Variants in STOM observed in about 807,000 individuals in gnomAD.
STOM encodes the protein stomatin, also known as erythrocyte band 7 integral membrane protein.
STOM carries 25 observed loss-of-function variants against 30.6 expected under a neutral mutation model. The ratio of observed to expected loss-of-function variants is 0.82; its 90% CI spans 0.60 to 1.14. The LOEUF (loss-of-function observed/expected upper bound fraction) is 1.14, where lower values mean the gene tolerates loss of function less well. Among genes scored for constraint, STOM ranks in the 50% most tolerant of loss-of-function variants. The probability of loss-of-function intolerance (pLI) is 0.00; values close to 1 mark genes in which losing one functional copy is unlikely to be tolerated. For missense variants in STOM, 292 were observed against 365.2 expected (o/e 0.80, Z 1.63); for synonymous variants, 118 against 130.8 (o/e 0.90, Z 0.67).
intron 1 of STOM, 41 bp from the exon 2 acceptor site, chr9:121,356,197 T>C: frequency 6.6e-7 from 1 of 1,524,736 alleles, no homozygotes; most frequent in Non-Finnish European, 9.1e-7. Flanking sequence ...CAACTGTTAC[T>C]AGCATAATCA....
At chr9:121,351,479 A>C (rs1332066328) in intron 4 of STOM, among the ~76,000 whole-genome samples, 1 of 152,248 alleles carries the variant, frequency 6.6e-6, no homozygotes, top group East Asian at 1.9e-4. Flanking sequence ...GCCAGGCTCC[A>C]TCACCATGCT....
intron 2 of STOM, among the ~76,000 whole-genome samples, chr9:121,355,636 A>G (rs759248134): frequency 1.4e-4 from 21 of 152,158 alleles, no homozygotes; most frequent in Non-Finnish European, 2.5e-4. Flanking sequence ...TTAGACACAT[A>G]ATTCATTTAA....
intron 1 of STOM, chr9:121,366,006 G>T: frequency 3.5e-6 from 2 of 574,740 alleles, no homozygotes; most frequent in Non-Finnish European, 4.4e-6. Context: ...AGTTCTAAAT[G>T]TTCTTGGACC....
In STOM at chr9:121,341,255, G is replaced by T. The variant is rs373786743; in HGVS notation, c.814C>A (p.Pro272Thr). 1.4e-5 allele frequency: 23 copies of T among 1,614,028 alleles called. No homozygotes were observed. Among genetic ancestry groups the T allele is most frequent in the Non-Finnish European group, 1.9e-5 (22 of 1,180,030 alleles). Residue 272 changes from proline (P) to threonine (T), a missense_variant, in exon 7 of 7, where the codon CCC becomes ACC. Coordinates refer to ENST00000286713, the MANE Select transcript of STOM (RefSeq NM_004099.6). ...ATGATTCCTTGCAGCATATCTATGG[G>T]CAGAGGGAAGACAATTGTTGAGTTT... is the stretch of plus-strand genomic sequence containing the variant. The part of the protein sequence containing the change: ...EKNSTIVFPL[P>T]IDMLQGIIGA...
At chr9:121,368,371 G>T (rs1272999260) in intron 1 of STOM, among the ~76,000 whole-genome samples, 1 of 152,150 alleles carries the variant, frequency 6.6e-6, no homozygotes, top group South Asian at 2.1e-4. Context: ...ATTTGCCACT[G>T]CAGTTTCCCA....
In STOM at chr9:121,356,071, T is replaced by C; in HGVS notation, c.147A>G (p.Ser49=). Residue 49 remains serine, a synonymous_variant, in exon 2 of 7, where the codon TCA becomes TCG. Transcript: ENST00000286713. ...FLFTVITFPI[S]IWMCIKIIKE... ...TCTTTACCTTTATGCACATCCATAT[T>C]GAGATTGGGAAAGTTATAACGGTGA... 4.3e-6 allele frequency: 7 copies of C among 1,611,750 alleles called. No individual in the cohort carries two copies. Among genetic ancestry groups the C allele is most frequent in the Non-Finnish European group, 5.9e-6 (7 of 1,177,846 alleles).
rs1159589033 is a variant in STOM, at chr9:121,339,719, C to G, written c.*1483G>C. Reference sequence around the variant, plus strand: ...CTCAGATTCACAGACATTTGCAAAACAGAAGATGTCTCCTAATATTATAGA... The same window carrying G: ...CTCAGATTCACAGACATTTGCAAAAGAGAAGATGTCTCCTAATATTATAGA... On this transcript the variant is annotated 3_prime_UTR_variant, in exon 7 of 7. Transcript: ENST00000286713. 3 of 1,230,646 alleles carry G rather than the reference C, an allele frequency of 2.4e-6. No homozygotes were observed. In the African/African-American group the frequency reaches 4.7e-5, roughly 19 times the overall value. The allele number at this position is 1,230,646 out of a possible 1,614,324, so 76.2% of individuals were successfully genotyped here.
Position 121,339,904 on chromosome 9 carries a change from T to C in STOM, c.*1298A>G. The C allele has an allele frequency of 9.1e-7, 1 of 1,097,878 alleles. No homozygotes were observed. The highest frequency in any genetic ancestry group is 1.1e-6 in the Non-Finnish European group (1 of 903,696). The allele number at this position is 1,097,878 out of a possible 1,614,324, so 68.0% of individuals were successfully genotyped here. A position where few individuals can be genotyped will look rare whatever the true frequency, so the allele number is the denominator to read the frequency against. On this transcript the variant is annotated 3_prime_UTR_variant, in exon 7 of 7. Transcript: ENST00000286713. The stretch of plus-strand genomic sequence containing the variant: ...ATCATTAGACACTATATAGTCAATA[T>C]ACTGTGAATTCCTTATACTATGTAA...
chr9:121,339,902 T>C lies in STOM; in HGVS notation c.*1300A>G. The C allele has an allele frequency of 9.1e-7, 1 of 1,103,680 alleles. No individual in the cohort carries two copies. Among genetic ancestry groups the C allele is most frequent in the Non-Finnish European group, 1.1e-6 (1 of 907,342 alleles). The allele number at this position is 1,103,680 out of a possible 1,614,324, so 68.4% of individuals were successfully genotyped here. A position where few individuals can be genotyped will look rare whatever the true frequency, so the allele number is the denominator to read the frequency against. ...AGATCATTAGACACTATATAGTCAA[T>C]ATACTGTGAATTCCTTATACTATGT... On this transcript the variant is annotated 3_prime_UTR_variant, in exon 7 of 7. Coordinates refer to ENST00000286713, the MANE Select transcript of STOM (RefSeq NM_004099.6).
In STOM at chr9:121,340,992, A is replaced by G. The variant is rs955837537; in HGVS notation, c.*210T>C. 3 of 1,410,052 alleles carry G rather than the reference A, an allele frequency of 2.1e-6. No homozygotes were observed. The highest frequency in any genetic ancestry group is 2.9e-5 in the African/African-American group (2 of 69,152). The allele number at this position is 1,410,052 out of a possible 1,614,324, so 87.3% of individuals were successfully genotyped here. On this transcript the variant is annotated 3_prime_UTR_variant, in exon 7 of 7. Transcript: ENST00000286713. ...AATCTAAAAATACAAACTTTTAACT[A>G]TTTTAAGACTAACAGATTACCTTAT...
chr9:121,350,668 G>A (rs1302381781), intron 4 of STOM, among the ~76,000 whole-genome samples: 1 of 152,178 alleles, frequency 6.6e-6, no homozygotes, highest in Non-Finnish European at 1.5e-5. Flanking sequence ...CCTCATTTGT[G>A]AGATGGCGCT....
At chr9:121,367,988 A>G (rs1421499322) in intron 1 of STOM, among the ~76,000 whole-genome samples, 1 of 152,218 alleles carries the variant, frequency 6.6e-6, no homozygotes, top group Non-Finnish European at 1.5e-5. Context: ...AATGGTGAAT[A>G]ATGACTTTTT....
At chr9:121,357,750 T>G (rs1403370258) in intron 1 of STOM, among the ~76,000 whole-genome samples, 1 of 152,128 alleles carries the variant, frequency 6.6e-6, no homozygotes, top group South Asian at 2.1e-4. Context: ...AAATCATATT[T>G]TTAAAAATAA....
rs202098565 is a variant in STOM at position 121,354,651 on chromosome 9, G to C, written c.188C>G (p.Ala63Gly). The C allele has an allele frequency of 1.4e-5, 22 of 1,611,748 alleles. No homozygotes were observed. Among genetic ancestry groups the C allele is most frequent in the Non-Finnish European group, 1.9e-5 (22 of 1,178,422 alleles). ...AATGCGACCCAATCTAAAGATGATG[G>C]CTCTTTCATACTCTTTTATAATCTA... ...CIKIIKEYER[A>G]IIFRLGRILQ... Residue 63 changes from alanine to glycine, a missense_variant, in exon 3 of 7, where the codon GCC becomes GGC. Transcript: ENST00000286713.
At chr9:121,365,360 C>G (rs919166152) in intron 1 of STOM, among the ~76,000 whole-genome samples, 1 of 151,906 alleles carries the variant, frequency 6.6e-6, no homozygotes, top group African/African-American at 2.4e-5. Context: ...AGCACCAAAA[C>G]ATTTATGTTC....
intron 1 of STOM, among the ~76,000 whole-genome samples, chr9:121,363,796 A>T (rs902628001): frequency 1.3e-5 from 2 of 152,224 alleles, no homozygotes; most frequent in Non-Finnish European, 2.9e-5. Context: ...TGCATAAATT[A>T]AATAATGCAT....
intron 4 of STOM, among the ~76,000 whole-genome samples, chr9:121,349,746 C>G (rs1281620386): frequency 2.0e-5 from 3 of 152,078 alleles, no homozygotes; most frequent in African/African-American, 7.2e-5. Flanking sequence ...ACTAGAGAGT[C>G]AAGGTTTGAT....
Position 121,341,292 on chromosome 9 carries a change from A to T in STOM, c.777T>A (p.Ile259=), listed in dbSNP as rs1410250682. Reference sequence around the variant, plus strand: ...CAATTGTTGAGTTTTTCTCAGCAGCAATGGTGGTCAGTGTCTGCAGGTATC... The same window carrying T: ...CAATTGTTGAGTTTTTCTCAGCAGCTATGGTGGTCAGTGTCTGCAGGTATC... ...QLRYLQTLTT[I]AAEKNSTIVF... The change falls in exon 7 of 7, where the codon ATT becomes ATA. Residue 259 remains isoleucine, a synonymous_variant. Coordinates refer to ENST00000286713, the MANE Select transcript of STOM (RefSeq NM_004099.6). The T allele has an allele frequency of 6.2e-7, 1 of 1,614,152 alleles. No individual in the cohort carries two copies. Among genetic ancestry groups the T allele is most frequent in the South Asian group, 1.1e-5 (1 of 91,086 alleles).
intron 1 of STOM, among the ~76,000 whole-genome samples, chr9:121,357,543 G>A (rs1021724828): frequency 4.6e-5 from 7 of 150,596 alleles, no homozygotes; most frequent in Non-Finnish European, 7.4e-5. Context: ...GGGATCATGC[G>A]ATTCTCCCGT....
Sources: allele counts gnomAD v4.1 joint callset (sites outside exome capture counted in the v4.1 genomes callset), GRCh38; gene constraint gnomAD v4.1.1; transcripts MANE v1.5; gene names NCBI Gene and HGNC (gene_info 2026-07-23, HGNC 2026-07-21).